The following KCNIP4 variants were observed in gnomAD, a reference collection of about 807,000 sequenced individuals.
KCNIP4 encodes the protein potassium voltage-gated channel interacting protein 4, also known as Kv channel-interacting protein 4.
A neutral mutation model predicts 34.0 loss-of-function variants in KCNIP4; 12 were observed. The ratio of observed to expected loss-of-function variants is 0.35; its 90% CI spans 0.23 to 0.57. The LOEUF (loss-of-function observed/expected upper bound fraction) is 0.57, where lower values mean the gene tolerates loss of function less well. KCNIP4 is among the 20% of genes least tolerant of loss of function. The pLI is 0.83. For missense variants in KCNIP4, 238 were observed against 311.7 expected (o/e 0.76, Z 1.78); for synonymous variants, 124 against 102.2 (o/e 1.21, Z -1.29).
chr4:21,045,042 A>G (rs1742315602), intron 1 of KCNIP4, among the ~76,000 whole-genome samples: 1 of 152,254 alleles, frequency 6.6e-6, no homozygotes, highest in African/African-American at 2.4e-5. Flanking sequence ...ATTCATTAAG[A>G]GATGCATGCA....
intron 1 of KCNIP4, among the ~76,000 whole-genome samples, chr4:21,935,277 C>T (rs543182869): frequency 3.3e-5 from 5 of 152,054 alleles, no homozygotes; most frequent in Non-Finnish European, 7.4e-5. Context: ...GGAAACTCTC[C>T]CTTCTTTAAT....
chr4:21,768,945 A>AT (rs1401447499), intron 1 of KCNIP4, among the ~76,000 whole-genome samples: 9 of 151,874 alleles, frequency 5.9e-5, no homozygotes, highest in Admixed American at 1.3e-4. Flanking sequence ...ATTTTTTTCA[A>AT]TTTTTTTTGT....
At chr4:20,893,719 C>G (rs1029799002) in intron 1 of KCNIP4, among the ~76,000 whole-genome samples, 1 of 151,584 alleles carries the variant, frequency 6.6e-6, no homozygotes, top group Non-Finnish European at 1.5e-5. Flanking sequence ...CCACCTCACC[C>G]AGCCACCTTG....
intron 2 of KCNIP4, among the ~76,000 whole-genome samples, chr4:20,874,402 T>A (rs745475790): frequency 1.3e-5 from 2 of 152,140 alleles, no homozygotes; most frequent in Admixed American, 1.3e-4. Flanking sequence ...TTCAGTACAA[T>A]GTTAGTCTTC....
chr4:21,527,043 G>C (rs1375615744), intron 1 of KCNIP4, among the ~76,000 whole-genome samples: 1 of 152,242 alleles, frequency 6.6e-6, no homozygotes, highest in Non-Finnish European at 1.5e-5. Flanking sequence ...GCACACTTAA[G>C]AGGAAAGAAT....
intron 1 of KCNIP4, among the ~76,000 whole-genome samples, chr4:21,859,207 C>G (rs1724923257): frequency 6.6e-6 from 1 of 152,140 alleles, no homozygotes; most frequent in Non-Finnish European, 1.5e-5. Flanking sequence ...GCACACTTGG[C>G]AAAGGGCAAG....
intron 1 of KCNIP4, among the ~76,000 whole-genome samples, chr4:21,461,423 G>GT (rs34481415): frequency 0.31 from 46,654 of 148,300 alleles, 8,340 homozygotes; most frequent in Non-Finnish European, 0.43. Context: ...AGCTTGTGAA[G>GT]TTTTTTTTTT....
chr4:21,848,109 G>T (rs1724141092), intron 1 of KCNIP4: 1 of 152,094 alleles, frequency 6.6e-6, no homozygotes, highest in Non-Finnish European at 1.5e-5. Flanking sequence ...TAAAAAGGTT[G>T]AACTTCTCAG....
At chr4:21,268,953 C>T (rs1245653860) in intron 1 of KCNIP4, among the ~76,000 whole-genome samples, 1 of 152,194 alleles carries the variant, frequency 6.6e-6, no homozygotes, top group Non-Finnish European at 1.5e-5. Flanking sequence ...GTCCCAAGTA[C>T]AGGTAGATCT....
chr4:21,247,184 T>C (rs540423214), intron 1 of KCNIP4, among the ~76,000 whole-genome samples: 1 of 152,272 alleles, frequency 6.6e-6, no homozygotes, highest in African/African-American at 2.4e-5. Context: ...TTATATAAAA[T>C]AAGACTGTGA....
At chr4:20,962,538 T>C (rs531521995) in intron 1 of KCNIP4, among the ~76,000 whole-genome samples, 3 of 152,314 alleles carry the variant, frequency 2.0e-5, no homozygotes, top group South Asian at 2.1e-4. Context: ...GAACAAGAGA[T>C]GTTGTCAGGT....
Position 21,746,616 on chromosome 4 carries a change from T to C in KCNIP4, c.61+201955A>G, listed in dbSNP as rs147438326. The stretch of plus-strand genomic sequence containing the variant: ...ATAAAAAAAAAAGCACATTTAGATA[T>C]GAGCATATTAACTTCTAGGAAGATA... On this transcript the variant is annotated intron_variant, in intron 1 of 8. Coordinates refer to ENST00000382152, the MANE Select transcript of KCNIP4 (RefSeq NM_025221.6). Among the ~76,000 whole-genome samples, 1,325 of 152,004 alleles carry C rather than the reference T, an allele frequency of 8.7e-3. 19 individuals are homozygous for C. The highest frequency in any genetic ancestry group is 0.038 in the South Asian group (185 of 4,812).
intron 1 of KCNIP4, among the ~76,000 whole-genome samples, chr4:21,768,018 CTCT>C (rs1718538158): frequency 6.6e-6 from 1 of 152,100 alleles, no homozygotes; most frequent in Non-Finnish European, 1.5e-5. Context: ...CAAGAATTTG[CTCT>C]TATTATACAC....
intron 1 of KCNIP4, among the ~76,000 whole-genome samples, chr4:21,395,254 C>T (rs1722889679): frequency 6.6e-6 from 1 of 152,190 alleles, no homozygotes; most frequent in African/African-American, 2.4e-5. Flanking sequence ...CAAGGGTAAA[C>T]TACCACAGAT....
At chr4:21,307,978 G>A (rs144156784) in intron 1 of KCNIP4, among the ~76,000 whole-genome samples, 1 of 152,266 alleles carries the variant, frequency 6.6e-6, no homozygotes, top group East Asian at 1.9e-4. Flanking sequence ...TAAGTACCTT[G>A]GATAGCATCC....
intron 1 of KCNIP4, among the ~76,000 whole-genome samples, chr4:21,264,731 T>C (rs1026732897): frequency 2.0e-5 from 3 of 152,114 alleles, no homozygotes; most frequent in Non-Finnish European, 4.4e-5. Flanking sequence ...ATTATGGGGA[T>C]GCAGAAAAGA....
chr4:21,300,560 A>T lies in KCNIP4; in HGVS notation c.62-417851T>A, dbSNP rs189228086. On this transcript the variant is annotated intron_variant, in intron 1 of 8. Transcript: ENST00000382152. Reference sequence around the variant, plus strand: ...AAATGAGTTAATAAATAATAATATGATGTGCTTACTTGTTATTGAAACTCT... The same window carrying T: ...AAATGAGTTAATAAATAATAATATGTTGTGCTTACTTGTTATTGAAACTCT... Among the ~76,000 whole-genome samples the T allele has an allele frequency of 4.3e-5, 6 of 139,288 alleles. No individual in the cohort carries two copies. In the East Asian group the frequency reaches 1.2e-3, roughly 29 times the overall value. The allele number at this position is 139,288 out of a possible 152,430, so 91.4% of individuals were successfully genotyped here.
chr4:21,170,847 G>T (rs887839196), intron 1 of KCNIP4, among the ~76,000 whole-genome samples: 4 of 152,100 alleles, frequency 2.6e-5, no homozygotes, highest in African/African-American at 9.7e-5. Context: ...AGATATGGAA[G>T]TTTGATTTGT....
intron 1 of KCNIP4, among the ~76,000 whole-genome samples, chr4:21,394,939 AAAGCACTGGGCTCAC>A (rs146941907): frequency 0.76 from 115,427 of 151,662 alleles, 45,763 homozygotes; most frequent in Non-Finnish European, 0.89. Context: ...CTGGGCTCAC[AAAGCACTGGGCTCAC>A]AAGCACTGGG....
Sources: gnomAD v4.1 joint callset for allele counts (sites outside exome capture counted in the v4.1 genomes callset) on GRCh38, gnomAD v4.1.1 for gene constraint, MANE v1.5 for transcripts, NCBI Gene and HGNC (gene_info 2026-07-23, HGNC 2026-07-21) for gene names.